The following NRG1 variants were observed in gnomAD, a reference collection of about 807,000 sequenced individuals.
The protein encoded by NRG1 is pro-neuregulin-1, membrane-bound isoform.
In NRG1, 18 loss-of-function variants were observed where a neutral mutation model predicts 63.8. The ratio of observed to expected loss-of-function variants is 0.28; its 90% CI spans 0.19 to 0.42. The LOEUF (loss-of-function observed/expected upper bound fraction) is 0.42, where lower values mean the gene tolerates loss of function less well. Among genes scored for constraint, NRG1 ranks in the 10% least tolerant of loss-of-function variants. The probability of loss-of-function intolerance (pLI) is 1.00; values close to 1 mark genes in which losing one functional copy is unlikely to be tolerated. For synonymous variants in NRG1, 302 were observed against 301.3 expected, an observed-to-expected ratio of 1.00 and a Z score of -0.02; for missense variants, 762 against 814.7, an observed-to-expected ratio of 0.94 and a Z score of 0.79.
intron 5 of NRG1, among the ~76,000 whole-genome samples, chr8:32,700,984 A>G (rs1374803070): frequency 6.6e-6 from 1 of 152,072 alleles, no homozygotes; most frequent in Non-Finnish European, 1.5e-5. Flanking sequence ...TCTTAACCCA[A>G]TCCGCACACC....
chr8:32,019,388 G>A (rs1218527030), intron 1 of NRG1, among the ~76,000 whole-genome samples: 2 of 152,216 alleles, frequency 1.3e-5, no homozygotes, highest in East Asian at 1.9e-4. Flanking sequence ...ATGAGCCAGC[G>A]TGCCTGGCAT....
chr8:32,403,299 C>CAAAA (rs68127664), intron 1 of NRG1, among the ~76,000 whole-genome samples: 11 of 89,762 alleles, frequency 1.2e-4, no homozygotes, highest in African/African-American at 3.3e-4. Flanking sequence ...CACTCTGTCT[C>CAAAA]AAAAAAAAAA....
intron 1 of NRG1, among the ~76,000 whole-genome samples, chr8:32,233,549 ATATATATATATATATT>A (rs1563934290): frequency 1.4e-5 from 1 of 71,524 alleles, no homozygotes; most frequent in African/African-American, 5.6e-5. Context: ...ATATATATAT[ATATATATATATATATT>A]TTTTTTTTTT....
chr8:31,989,792 A>G (rs1404262841), intron 1 of NRG1, among the ~76,000 whole-genome samples: 3 of 152,104 alleles, frequency 2.0e-5, no homozygotes, highest in Non-Finnish European at 4.4e-5. Flanking sequence ...GGACGTGCCA[A>G]TGAAGTTGGC....
intron 1 of NRG1, among the ~76,000 whole-genome samples, chr8:31,658,573 G>A (rs35771935): frequency 0.094 from 14,265 of 152,144 alleles, 808 homozygotes; most frequent in Middle Eastern, 0.14. Flanking sequence ...AGCGATTCTC[G>A]TGCCTCAGCC....
chr8:31,805,629 C>A (rs1293684825), intron 1 of NRG1, among the ~76,000 whole-genome samples: 2 of 151,886 alleles, frequency 1.3e-5, no homozygotes, highest in African/African-American at 4.8e-5. Flanking sequence ...GAGATGGAGA[C>A]CATCCTGGCT....
chr8:32,310,263 C>T (rs1042372800), intron 1 of NRG1, among the ~76,000 whole-genome samples: 4 of 152,154 alleles, frequency 2.6e-5, no homozygotes, highest in African/African-American at 9.7e-5. Context: ...GAAAAAAGAA[C>T]TTGTTTCAAC....
chr8:32,035,244 A>G (rs1240238982), intron 1 of NRG1, among the ~76,000 whole-genome samples: 3 of 151,992 alleles, frequency 2.0e-5, no homozygotes, highest in Non-Finnish European at 2.9e-5. Context: ...ATTTCGATGT[A>G]GTTGTGTGGT....
intron 1 of NRG1, among the ~76,000 whole-genome samples, chr8:32,482,375 G>C (rs6997540): frequency 0.62 from 94,227 of 150,940 alleles, 29,591 homozygotes; most frequent in East Asian, 0.79. Flanking sequence ...CAAATTTGGG[G>C]GTTGTTTTCT....
chr8:32,654,111 G>C (rs568240279), intron 5 of NRG1, among the ~76,000 whole-genome samples: 2 of 152,102 alleles, frequency 1.3e-5, no homozygotes, highest in Non-Finnish European at 2.9e-5. Context: ...AAAGTGAAGT[G>C]ACTTGCCCAG....
chr8:32,636,091 T>TA (rs1373300071), intron 5 of NRG1, among the ~76,000 whole-genome samples: 2 of 152,082 alleles, frequency 1.3e-5, no homozygotes, highest in African/African-American at 4.8e-5. Context: ...GGCAAAGCCT[T>TA]AAGGTGGTAA....
chr8:32,269,788 T>C (rs910051651), intron 1 of NRG1, among the ~76,000 whole-genome samples: 41 of 152,202 alleles, frequency 2.7e-4, no homozygotes, highest in Admixed American at 1.8e-3. Context: ...GAGTCATGAA[T>C]GCAAGCAGGT....
chr8:32,465,877 C>CA (rs1217977843), intron 1 of NRG1, among the ~76,000 whole-genome samples: 2 of 151,938 alleles, frequency 1.3e-5, no homozygotes, highest in Middle Eastern at 3.4e-3. Context: ...AACCACAATA[C>CA]AAAAAAGTAT....
At chr8:31,731,680 T>G (rs1814086393) in intron 1 of NRG1, among the ~76,000 whole-genome samples, 1 of 152,130 alleles carries the variant, frequency 6.6e-6, no homozygotes, top group African/African-American at 2.4e-5. Flanking sequence ...CTAAATAAAT[T>G]TATAATTTTT....
intron 1 of NRG1, among the ~76,000 whole-genome samples, chr8:32,264,808 C>T (rs1469621621): frequency 6.7e-6 from 1 of 150,266 alleles, no homozygotes; most frequent in East Asian, 1.9e-4. Flanking sequence ...ACTGTGAGGC[C>T]ACAGGAAAAA....
At chr8:31,833,359 T>C (rs1004444597) in intron 1 of NRG1, among the ~76,000 whole-genome samples, 1 of 152,318 alleles carries the variant, frequency 6.6e-6, no homozygotes, top group South Asian at 2.1e-4. Context: ...TTATTATGAA[T>C]ATCCTTCTGG....
chr8:31,899,281 CT>C lies in NRG1; in HGVS notation c.37+259859del, dbSNP rs1020840077. Among the ~76,000 whole-genome samples, 80 of 150,888 alleles carry C rather than the reference CT, an allele frequency of 5.3e-4. 1 individual carries two copies. The highest frequency in any genetic ancestry group is 1.7e-3 in the African/African-American group (68 of 41,186). Reference sequence around the variant, plus strand: ...ACTGTGCCCAGCTTATTTATTCTTTCTTTTTTTTTGTACCCATTAACTATCC... The same window carrying C: ...ACTGTGCCCAGCTTATTTATTCTTTCTTTTTTTTGTACCCATTAACTATCC... On this transcript the variant is annotated intron_variant, in intron 1 of 10. Coordinates refer to the NRG1 transcript ENST00000519301.
chr8:32,748,610 G>T, intron 7 of NRG1: 2 of 432,728 alleles, frequency 4.6e-6, no homozygotes, highest in South Asian at 3.3e-5. Context: ...CTGGCTCTTG[G>T]CTCATACCTT....
At chr8:32,062,209 C>T (rs192004069) in intron 1 of NRG1, among the ~76,000 whole-genome samples, 75 of 152,146 alleles carry the variant, frequency 4.9e-4, no homozygotes, top group African/African-American at 1.6e-3. Context: ...TTGCTTGGAA[C>T]GAAGTGTGCC....
Sources: gnomAD v4.1 joint callset for allele counts (sites outside exome capture counted in the v4.1 genomes callset) on GRCh38, gnomAD v4.1.1 for gene constraint, MANE v1.5 for transcripts, NCBI Gene and HGNC (gene_info 2026-07-23, HGNC 2026-07-21) for gene names.